The following SLC23A3 variants were observed in gnomAD, a reference collection of about 807,000 sequenced individuals.
SLC23A3 encodes E2-binding protein 3.
Under a neutral mutation model 64.7 loss-of-function variants are expected in SLC23A3, and 41 were observed. The observed-to-expected ratio is 0.63, with a 90% CI of 0.49 to 0.82. The LOEUF (loss-of-function observed/expected upper bound fraction) is 0.82. Ranked by LOEUF, SLC23A3 falls within the 40% of genes least tolerant of loss-of-function variation. The pLI, the probability that SLC23A3 is intolerant of heterozygous loss-of-function variation, is 0.00. For synonymous variants in SLC23A3, 281 were observed against 306.8 expected (o/e 0.92, Z 0.88); for missense variants, 647 against 733.4 (o/e 0.88, Z 1.36).
Position 219,163,512 on chromosome 2 carries a change from T to C in SLC23A3, c.1317A>G (p.Gly439=), listed in dbSNP as rs1416005605. ...TGTCAGCCAGGTAGAAGCTGGAGAA[T>C]CCAGCAGACAAAACCACAGCCTGGG... ...GVTQAVVLSA[G]FSSFYLADID... Residue 439 remains glycine (G), a synonymous_variant, in exon 10 of 12, where the codon GGA becomes GGG. Coordinates refer to ENST00000409878, the MANE Select transcript of SLC23A3 (RefSeq NM_001144889.2). The C allele has an allele frequency of 6.2e-7, 1 of 1,614,068 alleles. No homozygotes were observed. The highest frequency in any genetic ancestry group is 1.1e-5 in the South Asian group (1 of 91,074).
intron 7 of SLC23A3, among the ~76,000 whole-genome samples, chr2:219,166,710 T>G (rs1431789702): frequency 6.6e-6 from 1 of 151,978 alleles, no homozygotes; most frequent in Non-Finnish European, 1.5e-5. Context: ...AATTTTTTTA[T>G]GTTTTGTAGA....
Position 219,163,481 on chromosome 2 carries a change from A to G in SLC23A3, c.1348T>C (p.Ser450Pro). 1 of 1,614,164 alleles carries G rather than the reference A, an allele frequency of 6.2e-7. No individual in the cohort carries two copies. Among genetic ancestry groups the G allele is most frequent in the Non-Finnish European group, 8.5e-7 (1 of 1,180,042 alleles). Reference protein sequence around the residue: ...FSSFYLADIDSGRNIFIVGFS... With the variant: ...FSSFYLADIDPGRNIFIVGFS... Reference sequence around the variant, plus strand: ...CCCACAATGAAGATATTTCGCCCAGAGTCTATGTCAGCCAGGTAGAAGCTG... The same window carrying G: ...CCCACAATGAAGATATTTCGCCCAGGGTCTATGTCAGCCAGGTAGAAGCTG... Residue 450 changes from serine to proline, a missense_variant, in exon 10 of 12, where the codon TCT (serine) becomes CCT (proline). Transcript: ENST00000409878.
At position 219,165,378 on chromosome 2, in the gene SLC23A3, C is replaced by T; in HGVS notation, c.958G>A (p.Gly320Ser). The T allele has an allele frequency of 1.3e-6, 2 of 1,551,242 alleles. No individual in the cohort carries two copies. The highest frequency in any genetic ancestry group is 1.7e-6 in the Non-Finnish European group (2 of 1,146,876). The change falls in exon 8 of 12, where the codon GGC (glycine) becomes AGC (serine). Residue 320 changes from glycine (G) to serine (S), a missense_variant. Transcript: ENST00000409878. ...GAGGCTGCCAAGGCCATGGAGATGC[C>T]TGCAGCCAGAGCTCTGGGCGTCAGC... ...PLLTPRALAAGISMALAASTS... is the reference protein window; with the variant it reads ...PLLTPRALAASISMALAASTS...
rs542857934 is a variant in SLC23A3 at position 219,169,619 on chromosome 2, G to C, written c.222C>G (p.Leu74=). 6.2e-7 allele frequency: 1 copy of C among 1,614,246 alleles called. No homozygotes were observed. Among genetic ancestry groups the C allele is most frequent in the Admixed American group, 1.7e-5 (1 of 60,024 alleles). ...CVSHLLLLCS[L]SPGGLSYSPS... is the part of the protein sequence containing the mutation. ...GGGAGTAAGAGAGTCCTCCTGGGGA[G>C]AGACTGCAAAGCAGGAGCAGGTGGG... Residue 74 remains leucine (L), a synonymous_variant, in exon 2 of 12, where the codon CTC becomes CTG. Coordinates refer to ENST00000409878, the MANE Select transcript of SLC23A3 (RefSeq NM_001144889.2). The surrounding 1 kb of genome is among the most constrained non-coding windows in gnomAD (Gnocchi z 4.5).
chr2:219,163,244 T>C, intron 10 of SLC23A3, 144 bp downstream of exon 10: 1 of 800,176 alleles, frequency 1.2e-6, no homozygotes, highest in Non-Finnish European at 2.1e-6. Context: ...ATGGCTAGCA[T>C]AGTGCTCAAT....
At chr2:219,165,855 G>A (rs757018810) in intron 7 of SLC23A3, among the ~76,000 whole-genome samples, 14 of 152,114 alleles carry the variant, frequency 9.2e-5, no homozygotes, top group Admixed American at 2.6e-4. Context: ...TTACTTAGGC[G>A]GGGTGCAGTA....
chr2:219,164,363 AAC>A (rs1949983610), intron 8 of SLC23A3, 25 bp from the exon 9 acceptor site: 2 of 1,475,208 alleles, frequency 1.4e-6, no homozygotes, highest in Non-Finnish European at 1.9e-6. Flanking sequence ...GACACTGGAA[AAC>A]ACAGCCACTT....
In SLC23A3 at chr2:219,169,789, A is replaced by G; in HGVS notation, c.162+34T>C. The G allele has an allele frequency of 6.2e-7, 1 of 1,612,386 alleles. No homozygotes were observed. Among genetic ancestry groups the G allele is most frequent in the Non-Finnish European group, 8.5e-7 (1 of 1,179,214 alleles). On this transcript the variant is annotated intron_variant, in intron 1 of 11. Transcript: ENST00000409878. The surrounding 1 kb of genome is among the most constrained non-coding windows in gnomAD (Gnocchi z 4.5). ...CACCTACTTCCCCACACACACCATC[A>G]GGCAGCACCAACTCCTGCACCTCTG...
At chr2:219,163,622 T>G in intron 9 of SLC23A3, 67 bp from the exon 10 acceptor site, 4 of 1,408,090 alleles carry the variant, frequency 2.8e-6, no homozygotes, top group Non-Finnish European at 4.0e-6. Context: ...CATGGAGTAT[T>G]GCAGGGCAAG....
In SLC23A3 at chr2:219,165,238, G is replaced by A. The variant is rs144528370; in HGVS notation, c.1098C>T (p.Ala366=). The change falls in exon 8 of 12, where the codon GCC becomes GCT. Residue 366 remains alanine, a synonymous_variant. Transcript: ENST00000409878. ...TGCCCATGGGGCTTCCCAGCAGCCC[G>A]GCCAGCACACTGCCCAGCCCCTCCA... ...LSLEGLGSVL[A]GLLGSPMGTA... 3.8e-5 allele frequency: 59 copies of A among 1,551,698 alleles called. No individual in the cohort carries two copies. In the East Asian group the frequency reaches 6.6e-4, roughly 17 times the overall value.
In SLC23A3 at chr2:219,168,776, T is replaced by C. The variant is rs1243512760; in HGVS notation, c.550A>G (p.Ser184Gly). 6.2e-7 allele frequency: 1 copy of C among 1,609,054 alleles called. No individual in the cohort carries two copies. Among genetic ancestry groups the C allele is most frequent in the African/African-American group, 1.3e-5 (1 of 74,960 alleles). The change falls in exon 5 of 12, where the codon AGT (serine) becomes GGT (glycine). Residue 184 changes from serine to glycine, a missense_variant. Coordinates refer to ENST00000409878, the MANE Select transcript of SLC23A3 (RefSeq NM_001144889.2). The stretch of plus-strand genomic sequence containing the variant: ...CAGTGGGGGAACACGTGGCCGGGAC[T>C]CCCCAGCAGCCCCATCATGCCCTGC... ...LLQGMMGLLG[S>G]PGHVFPHCGP...
Position 219,168,238 on chromosome 2 carries a change from G to A in SLC23A3, c.755C>T (p.Thr252Met), listed in dbSNP as rs368182833. ...AGGGAGAGGAGTGTGAGTTGATGAC[G>A]TTGAAGCTCGCCTCCAGGGGCACAC... The part of the protein sequence containing the change: ...FHVCPWRRAS[T>M]SSTHTPLPVF... The change falls in exon 6 of 12, where the codon ACG (threonine) becomes ATG (methionine). Residue 252 changes from threonine (T) to methionine (M), a missense_variant. Physicochemically the swap from Thr to Met is moderately conservative, Grantham distance 81. Coordinates refer to ENST00000409878, the MANE Select transcript of SLC23A3 (RefSeq NM_001144889.2). The A allele has an allele frequency of 4.5e-5, 73 of 1,613,918 alleles. No individual in the cohort carries two copies. The highest frequency in any genetic ancestry group is 5.3e-5 in the African/African-American group (4 of 74,902).
Position 219,163,540 on chromosome 2 carries a change from A to AC in SLC23A3, c.1288dup (p.Val430GlyfsTer18). 2 of 1,614,044 alleles carry AC rather than the reference A, an allele frequency of 1.2e-6. No homozygotes were observed. Among genetic ancestry groups the AC allele is most frequent in the Non-Finnish European group, 8.5e-7 (1 of 1,180,032 alleles). On this transcript the variant is annotated frameshift_variant, in exon 10 of 12. Coordinates refer to ENST00000409878, the MANE Select transcript of SLC23A3 (RefSeq NM_001144889.2). LOFTEE classifies it high-confidence loss of function. ...AGCAGACAAAACCACAGCCTGGGTC[A>AC]CCCCCAGCACCCCACCTGTCTCATA...
chr2:219,166,058 G>A (rs778552197), intron 7 of SLC23A3, among the ~76,000 whole-genome samples: 3 of 152,010 alleles, frequency 2.0e-5, no homozygotes, highest in South Asian at 4.1e-4. Context: ...ACTTGAACCC[G>A]GAAGGCGGAG....
rs1352644765 is a variant in SLC23A3 at position 219,169,324 on chromosome 2, G to T, written c.403C>A (p.Gln135Lys). 6.2e-7 allele frequency: 1 copy of T among 1,614,064 alleles called. No individual in the cohort carries two copies. Among genetic ancestry groups the T allele is most frequent in the African/African-American group, 1.3e-5 (1 of 74,922 alleles). ...LTSQKLPRAI[Q>K]TPGNSSLMLH... The stretch of plus-strand genomic sequence containing the variant: ...CTGTGCTCACAGTTTCCAGGTGTCT[G>T]GATGGCCCGGGGTAGCTTCTGGCTG... The change falls in exon 3 of 12, where the codon CAG (glutamine) becomes AAG (lysine). Residue 135 changes from glutamine (Q) to lysine (K), a missense_variant. Transcript: ENST00000409878. The surrounding 1 kb of genome is among the most constrained non-coding windows in gnomAD (Gnocchi z 4.5).
intron 7 of SLC23A3, among the ~76,000 whole-genome samples, chr2:219,167,727 G>A (rs1297253406): frequency 1.3e-5 from 2 of 151,948 alleles, no homozygotes; most frequent in Admixed American, 1.3e-4. Flanking sequence ...ATGACAGAGT[G>A]AGACCCTGTC....
At chr2:219,164,873 G>T (rs982217475) in intron 8 of SLC23A3, 2 of 427,452 alleles carry the variant, frequency 4.7e-6, no homozygotes, top group Non-Finnish European at 8.2e-6. Flanking sequence ...TTTTTAAAAA[G>T]ATACTTTTTT....
Position 219,169,735 on chromosome 2 carries a change from C to A in SLC23A3, c.163-57G>T, listed in dbSNP as rs1950042620. The stretch of plus-strand genomic sequence containing the variant: ...CAGAGAAGTGGAAATACCTACAATA[C>A]TTCCAGAGGCTTTCACATGCCACAT... On this transcript the variant is annotated intron_variant, in intron 1 of 11. Coordinates refer to ENST00000409878, the MANE Select transcript of SLC23A3 (RefSeq NM_001144889.2). This position sits in a 1 kb window ranked among gnomAD's most constrained non-coding sequence, Gnocchi z 4.5. The A allele has an allele frequency of 1.2e-6, 2 of 1,611,404 alleles. No homozygotes were observed. The highest frequency in any genetic ancestry group is 1.1e-5 in the South Asian group (1 of 90,988).
At chr2:219,166,462 G>A (rs1043839921) in intron 7 of SLC23A3, among the ~76,000 whole-genome samples, 8 of 152,032 alleles carry the variant, frequency 5.3e-5, no homozygotes, top group Non-Finnish European at 7.4e-5. Flanking sequence ...CTCCCAAAGT[G>A]CTGGAATTTC....
Sources: allele counts gnomAD v4.1 joint callset (sites outside exome capture counted in the v4.1 genomes callset), GRCh38; gene constraint gnomAD v4.1.1; non-coding constraint Gnocchi (gnomAD v3.1); transcripts MANE v1.5; gene names NCBI Gene and HGNC (gene_info 2026-07-23, HGNC 2026-07-21).